Variants in LFNG observed in about 807,000 individuals in gnomAD.
The protein encoded by LFNG is beta-1,3-N-acetylglucosaminyltransferase lunatic fringe.
In LFNG, 15 loss-of-function variants were observed where a neutral mutation model predicts 32.7. That is an observed-to-expected ratio of 0.46 (90% confidence interval 0.31 to 0.71). The LOEUF (loss-of-function observed/expected upper bound fraction) is 0.71, where lower values mean the gene tolerates loss of function less well. Ranked by LOEUF, LFNG falls within the 30% of genes least tolerant of loss-of-function variation. LFNG has a pLI of 0.06. For synonymous variants in LFNG, 274 were observed against 246.8 expected (o/e 1.11, Z -1.03); for missense variants, 520 against 545.7 (o/e 0.95, Z 0.47).
At chr7:2,528,610 G>C (rs947317997), downstream of LFNG, among the ~76,000 whole-genome samples, 1 of 152,138 alleles carries the variant, frequency 6.6e-6, no homozygotes, top group African/African-American at 2.4e-5. Context: ...GCTGCCTGCT[G>C]GTGACTACAG....
rs949187832 is a variant in LFNG, at chr7:2,526,519, C to A, written c.987+110C>A. The A allele has an allele frequency of 3.3e-6, 4 of 1,206,676 alleles. No homozygotes were observed. The highest frequency in any genetic ancestry group is 4.9e-5 in the East Asian group (2 of 41,014). The allele number at this position is 1,206,676 out of a possible 1,614,324, so 74.7% of individuals were successfully genotyped here. ...CACTGTTCTAAACAGGGAGGCCAGG[C>A]AGCACTCCACTGTCAGCCAGGGGGG... On this transcript the variant is annotated intron_variant, in intron 6 of 7. Transcript: ENST00000222725. This position sits in a 1 kb window ranked among gnomAD's most constrained non-coding sequence, Gnocchi z 6.9.
In LFNG at chr7:2,527,459, G is replaced by A. The variant is rs544105369; in HGVS notation, c.*247G>A. On this transcript the variant is annotated 3_prime_UTR_variant, in exon 8 of 8. Transcript: ENST00000222725. This position sits in a 1 kb window ranked among gnomAD's most constrained non-coding sequence, Gnocchi z 4.4. ...CTGCTCCGAGGGCCAGTGGGCTGCA[G>A]GGCCTGCTTGGAGGAAGGATTTGTG... 9.2e-6 allele frequency: 13 copies of A among 1,414,944 alleles called. No individual in the cohort carries two copies. In the South Asian group the frequency reaches 1.8e-4, roughly 19 times the overall value. 87.6% of individuals were successfully genotyped at this position (1,414,944 alleles called of 1,614,324 possible). A position where few individuals can be genotyped will look rare whatever the true frequency, so the allele number is the denominator to read the frequency against.
upstream of LFNG, chr7:2,518,732 A>G: frequency 7.9e-7 from 1 of 1,264,408 alleles, no homozygotes; most frequent in Non-Finnish European, 1.1e-6. Context: ...CCTGCTTAGG[A>G]GGGCACGGGA....
chr7:2,525,370 C>T, intron 3 of LFNG, 44 bp from the exon 4 acceptor site: 4 of 1,612,182 alleles, frequency 2.5e-6, no homozygotes, highest in Non-Finnish European at 3.4e-6. Flanking sequence ...CTGGCAGCGC[C>T]CGCCCCGGCA....
chr7:2,528,755 TG>T, downstream of LFNG: 2 of 637,420 alleles, frequency 3.1e-6, no homozygotes. Flanking sequence ...GTCTGGCCAC[TG>T]GGGAGCCCAG....
chr7:2,512,747 G>T (rs115380608), intron 1 of LFNG: 14 of 1,584,582 alleles, frequency 8.8e-6, no homozygotes, highest in Non-Finnish European at 1.2e-5. Context: ...ACTCAGAGCC[G>T]TCCCTCTTGC....
Position 2,526,568 on chromosome 7 carries a change from G to T in LFNG, c.987+159G>T, listed in dbSNP as rs1382620531. 3.3e-5 allele frequency among the ~76,000 whole-genome samples: 5 copies of T among 152,206 alleles called. No individual in the cohort carries two copies. In the East Asian group the frequency reaches 7.7e-4, roughly 23 times the overall value. ...GGGTCACTCCTGCCATGAGCTCAAA[G>T]CTGTTTATGGCGGGTTGTTTTCCTG... On this transcript the variant is annotated intron_variant, in intron 6 of 7. Transcript: ENST00000222725. This position sits in a 1 kb window ranked among gnomAD's most constrained non-coding sequence, Gnocchi z 6.9.
chr7:2,520,806 G>A lies in LFNG; in HGVS notation c.432+513G>A, dbSNP rs1779767463. On this transcript the variant is annotated intron_variant, in intron 1 of 7. Coordinates refer to ENST00000222725, the MANE Select transcript of LFNG (RefSeq NM_001040167.2). This position sits in a 1 kb window ranked among gnomAD's most constrained non-coding sequence, Gnocchi z 5.0. ...ATTGCTGGTTGGTGGGTCCTGGGGAGTACATCTCAAAGAACTCCAGGTTTT... is the reference window on the plus strand; with the variant it reads ...ATTGCTGGTTGGTGGGTCCTGGGGAATACATCTCAAAGAACTCCAGGTTTT... Among the ~76,000 whole-genome samples the A allele has an allele frequency of 1.3e-5, 2 of 152,144 alleles. No homozygotes were observed. The highest frequency in any genetic ancestry group is 4.1e-4 in the South Asian group (2 of 4,830).
intron 1 of LFNG, among the ~76,000 whole-genome samples, chr7:2,522,533 C>T (rs191725005): frequency 3.3e-5 from 5 of 152,308 alleles, no homozygotes; most frequent in East Asian, 3.9e-4. Context: ...CTTTGAATCG[C>T]GGCTCCAGGA....
At chr7:2,518,451 A>G (rs1286944834), upstream of LFNG, 10 of 788,358 alleles carry the variant, frequency 1.3e-5, no homozygotes, top group East Asian at 2.5e-4. Flanking sequence ...AATGGGCTAC[A>G]GCGTCCTTAG....
At chr7:2,514,391 A>G (rs1440247714), upstream of LFNG, among the ~76,000 whole-genome samples, 1 of 152,248 alleles carries the variant, frequency 6.6e-6, no homozygotes, top group African/African-American at 2.4e-5. Context: ...GCCAAGAATC[A>G]CATCACGGTC....
chr7:2,524,796 A>T, intron 2 of LFNG, 53 bp downstream of exon 2: 1 of 1,486,168 alleles, frequency 6.7e-7, no homozygotes, highest in Non-Finnish European at 9.2e-7. Context: ...CCAGAGCCGA[A>T]CGCTCCCCCT....
At chr7:2,518,952 C>T (rs567080359), upstream of LFNG, among the ~76,000 whole-genome samples, 1 of 152,022 alleles carries the variant, frequency 6.6e-6, no homozygotes, top group Non-Finnish European at 1.5e-5. Context: ...GGCCGTGTGC[C>T]GGGGAGGCGG....
intron 1 of LFNG, among the ~76,000 whole-genome samples, chr7:2,524,332 C>T (rs1331415964): frequency 2.6e-5 from 4 of 152,212 alleles, no homozygotes; most frequent in Non-Finnish European, 5.9e-5. Context: ...AGGGTGTGTG[C>T]CCTGCCAGGT....
chr7:2,524,424 C>T (rs1290479764), intron 1 of LFNG, among the ~76,000 whole-genome samples: 1 of 152,200 alleles, frequency 6.6e-6, no homozygotes, highest in Non-Finnish European at 1.5e-5. Flanking sequence ...GCCTGGACGA[C>T]CTTGGGTGCA....
upstream of LFNG, chr7:2,513,368 C>T: frequency 6.4e-7 from 1 of 1,550,816 alleles, no homozygotes; most frequent in Non-Finnish European, 8.7e-7. Flanking sequence ...TCCCCTTCTT[C>T]TGCTTCCAGA....
chr7:2,524,699 T>G lies in LFNG; in HGVS notation c.437T>G (p.Phe146Cys). Residue 146 changes from phenylalanine (F) to cysteine (C), a missense_variant, in exon 2 of 8, where the codon TTC (phenylalanine) becomes TGC (cysteine). By Grantham distance (205) the Phe-to-Cys change is radical (BLOSUM62 -2). Coordinates refer to ENST00000222725, the MANE Select transcript of LFNG (RefSeq NM_001040167.2). ...AGGCCGATTTTCTCCTTCCAGACGT[T>G]CATCTTCACTGACGGGGAAGATGAG... ...TWISRHKEMT[F>C]IFTDGEDEAL... The G allele has an allele frequency of 6.3e-7, 1 of 1,587,568 alleles. No individual in the cohort carries two copies. The highest frequency in any genetic ancestry group is 8.6e-7 in the Non-Finnish European group (1 of 1,167,066).
chr7:2,522,137 CG>C (rs993855730), intron 1 of LFNG, among the ~76,000 whole-genome samples: 1 of 152,096 alleles, frequency 6.6e-6, no homozygotes. Flanking sequence ...CAGGGCTGTG[CG>C]GGGGGAAAAC....
Position 2,520,241 on chromosome 7 carries a change from G to C in LFNG, c.380G>C (p.Arg127Pro). The C allele has an allele frequency of 1.2e-6, 2 of 1,609,680 alleles. No homozygotes were observed. Among genetic ancestry groups the C allele is most frequent in the Non-Finnish European group, 1.7e-6 (2 of 1,178,634 alleles). ...IAVKTTKKFH[R>P]ARLDLLLETW... ...GTCAAGACCACCAAAAAGTTCCACC[G>C]CGCGCGCCTCGACCTGCTGCTGGAG... is the stretch of plus-strand genomic sequence containing the variant. The change falls in exon 1 of 8, where the codon CGC becomes CCC. Residue 127 changes from arginine (R) to proline (P), a missense_variant. Around this residue, in one of 3 missense-constraint regions of LFNG, gnomAD observed 360 missense variants for 354.7 expected, o/e 1.01. Coordinates refer to ENST00000222725, the MANE Select transcript of LFNG (RefSeq NM_001040167.2). The surrounding 1 kb of genome is among the most constrained non-coding windows in gnomAD (Gnocchi z 5.0).
Sources: allele counts gnomAD v4.1 joint callset (sites outside exome capture counted in the v4.1 genomes callset), GRCh38; gene constraint gnomAD v4.1.1; regional missense constraint gnomAD v4.1.1; non-coding constraint Gnocchi (gnomAD v3.1); transcripts MANE v1.5; gene names NCBI Gene and HGNC (gene_info 2026-07-23, HGNC 2026-07-21).